The following ENO4 variants were observed in gnomAD, a reference collection of about 807,000 sequenced individuals.
ENO4 encodes enolase 4.
ENO4 carries 53 observed loss-of-function variants against 63.2 expected under a neutral mutation model. The ratio of observed to expected loss-of-function variants is 0.84; its 90% CI spans 0.67 to 1.05. The LOEUF is 1.05. ENO4 is among the 50% of genes least tolerant of loss of function. The pLI is 0.00. For missense variants in ENO4, 719 were observed against 772.0 expected (o/e 0.93, Z 0.81); for synonymous variants, 266 against 283.8 (o/e 0.94, Z 0.63).
chr10:116,861,046 C>G lies in ENO4; in HGVS notation c.805-13C>G, dbSNP rs961214578. ...CCTGTTTCTCATTTTCCCTCGTTTTCCCCCTATTTCAGGAACAGCCAACAA... is the reference window on the plus strand; with the variant it reads ...CCTGTTTCTCATTTTCCCTCGTTTTGCCCCTATTTCAGGAACAGCCAACAA... On this transcript the variant is annotated splice_polypyrimidine_tract_variant and intron_variant, in intron 5 of 13. Transcript: ENST00000341276. The G allele has an allele frequency of 7.1e-6, 11 of 1,546,758 alleles. No individual in the cohort carries two copies. In the African/African-American group the frequency reaches 8.2e-5, roughly 12 times the overall value.
intron 8 of ENO4, among the ~76,000 whole-genome samples, chr10:116,869,470 A>G (rs988313870): frequency 6.6e-6 from 1 of 152,330 alleles, no homozygotes; most frequent in Middle Eastern, 3.4e-3. Context: ...AGACAAAAAA[A>G]AGAGGGGCTA....
chr10:116,900,021 A>G (rs1248714597), intron 10 of ENO4, among the ~76,000 whole-genome samples: 1 of 152,242 alleles, frequency 6.6e-6, no homozygotes, highest in Non-Finnish European at 1.5e-5. Context: ...GAAGTGTGCC[A>G]GTCTGGGTAA....
At chr10:116,860,559 A>C (rs1358277446) in intron 4 of ENO4, among the ~76,000 whole-genome samples, 1 of 152,212 alleles carries the variant, frequency 6.6e-6, no homozygotes, top group Non-Finnish European at 1.5e-5. Context: ...TCTACCTCAT[A>C]TGATTGATGA....
At chr10:116,864,523 T>C (rs892851365) in intron 7 of ENO4, among the ~76,000 whole-genome samples, 1 of 152,124 alleles carries the variant, frequency 6.6e-6, no homozygotes, top group Non-Finnish European at 1.5e-5. Flanking sequence ...CTAAAATCTT[T>C]CCTGACATTT....
rs1359478437 is a variant in ENO4, at chr10:116,849,904, C to T, written c.165+173C>T. The T allele has an allele frequency of 6.3e-6, 5 of 797,044 alleles. No individual in the cohort carries two copies. The African/African-American group carries it at 6.8e-5, about 11-fold the overall frequency. The allele number at this position is 797,044 out of a possible 1,614,324, so 49.4% of individuals were successfully genotyped here. A position where few individuals can be genotyped will look rare whatever the true frequency, so the allele number is the denominator to read the frequency against. ...GGAGGGAAGGAGCGGGAAGGACACC[C>T]AGGGGTGAAGGGATCTCCCCAGAGA... On this transcript the variant is annotated intron_variant, in intron 1 of 13. Coordinates refer to ENST00000341276, the MANE Select transcript of ENO4 (RefSeq NM_001242699.2).
At chr10:116,884,003 G>A (rs996059265), downstream of ENO4, 65 of 232,390 alleles carry the variant, frequency 2.8e-4, no homozygotes, top group Non-Finnish European at 5.3e-4. Flanking sequence ...GCTATAAAAT[G>A]CATCAACATT....
chr10:116,861,256 TACTCCGTC>T, intron 6 of ENO4, 66 bp downstream of exon 6: 1 of 405,306 alleles, frequency 2.5e-6, no homozygotes, highest in Non-Finnish European at 3.7e-6. Flanking sequence ...TATATATATA[TACTCCGTC>T]ATTGATGAAC....
At chr10:116,903,335 C>G (rs188896066) in intron 10 of ENO4, among the ~76,000 whole-genome samples, 26 of 152,116 alleles carry the variant, frequency 1.7e-4, no homozygotes, top group Non-Finnish European at 3.1e-4. Flanking sequence ...GAGTTAGAGA[C>G]CAACCTGGCC....
chr10:116,854,559 TAA>T (rs61238867), intron 1 of ENO4, among the ~76,000 whole-genome samples: 311 of 132,372 alleles, frequency 2.3e-3, no homozygotes, highest in Admixed American at 4.2e-3. Flanking sequence ...GACTCTGTCT[TAA>T]AAAAAAAAAA....
At chr10:116,892,525 A>C (rs1320180574) in intron 10 of ENO4, among the ~76,000 whole-genome samples, 1 of 152,222 alleles carries the variant, frequency 6.6e-6, no homozygotes, top group Non-Finnish European at 1.5e-5. Context: ...GTCTTCCACA[A>C]AATTCACCAT....
At position 116,882,295 on chromosome 10, in the gene ENO4, G is replaced by T. The variant is rs1847039820; in HGVS notation, c.*626G>T. On this transcript the variant is annotated 3_prime_UTR_variant, in exon 14 of 14. Coordinates refer to ENST00000341276, the MANE Select transcript of ENO4 (RefSeq NM_001242699.2). ...CTTAGATCCTTTTTGGAGTAAGAAT[G>T]AGTATAAATGAATAAGCACATCAGT... 1 of 151,318 alleles carries T rather than the reference G, an allele frequency of 6.6e-6. No homozygotes were observed. The allele number at this position is 151,318 out of a possible 1,614,324, so 9.4% of individuals were successfully genotyped here.
intron 10 of ENO4, among the ~76,000 whole-genome samples, chr10:116,906,356 ATG>A (rs1243743133): frequency 2.6e-5 from 4 of 152,350 alleles, no homozygotes; most frequent in African/African-American, 9.6e-5. Context: ...CTCTTCCTGA[ATG>A]TCTTTACACA....
intron 10 of ENO4, chr10:116,907,861 A>G: frequency 1.9e-6 from 1 of 517,190 alleles, no homozygotes; most frequent in South Asian, 1.4e-5. Flanking sequence ...CAGCCTTTGT[A>G]ATGTTTGAAC....
At chr10:116,874,880 C>A (rs1846785635) in intron 10 of ENO4, among the ~76,000 whole-genome samples, 1 of 152,060 alleles carries the variant, frequency 6.6e-6, no homozygotes, top group Admixed American at 6.6e-5. Context: ...CGCCATGTTG[C>A]CCAGGCTGGT....
At chr10:116,868,851 C>T in intron 8 of ENO4, 145 bp downstream of exon 8, 5 of 734,518 alleles carry the variant, frequency 6.8e-6, no homozygotes, top group Non-Finnish European at 1.2e-5. Flanking sequence ...CCAGACACCC[C>T]CAGAGCTGCA....
intron 9 of ENO4, chr10:116,873,777 G>A: frequency 5.6e-6 from 4 of 714,802 alleles, no homozygotes; most frequent in Non-Finnish European, 6.9e-6. Context: ...AGGCAGCCAA[G>A]TCTAACAGAT....
chr10:116,867,802 AT>A (rs1846586989), intron 7 of ENO4, among the ~76,000 whole-genome samples: 1 of 152,222 alleles, frequency 6.6e-6, no homozygotes, highest in African/African-American at 2.4e-5. Context: ...CATAAAAAAC[AT>A]GAGAAATCCA....
chr10:116,875,532 A>G (rs1460325952), intron 10 of ENO4, among the ~76,000 whole-genome samples: 1 of 147,130 alleles, frequency 6.8e-6, no homozygotes, highest in Admixed American at 6.8e-5. Flanking sequence ...TTTTGTAGAG[A>G]TGGGGTCTTG....
intron 10 of ENO4, among the ~76,000 whole-genome samples, chr10:116,894,805 T>C (rs1317857467): frequency 2.0e-5 from 3 of 152,158 alleles, no homozygotes; most frequent in Non-Finnish European, 4.4e-5. Context: ...AAAGCTCAAT[T>C]CAGACAAGCA....
Sources: gnomAD v4.1 joint callset for allele counts (sites outside exome capture counted in the v4.1 genomes callset) on GRCh38, gnomAD v4.1.1 for gene constraint, MANE v1.5 for transcripts, NCBI Gene and HGNC (gene_info 2026-07-23, HGNC 2026-07-21) for gene names.